Variants in PAX9 observed in about 807,000 individuals in gnomAD.
PAX9 encodes paired box protein Pax-9.
A neutral mutation model predicts 29.1 loss-of-function variants in PAX9; 6 were observed. The observed-to-expected ratio is 0.21, with a 90% confidence interval of 0.11 to 0.41. The LOEUF (loss-of-function observed/expected upper bound fraction) is 0.41, where lower values mean the gene tolerates loss of function less well. PAX9 is among the 10% of genes least tolerant of loss of function. The probability of loss-of-function intolerance (pLI) is 1.00; values close to 1 mark genes in which losing one functional copy is unlikely to be tolerated. For synonymous variants in PAX9, 217 were observed against 211.7 expected (o/e 1.03, Z -0.22); for missense variants, 443 against 479.1 (o/e 0.92, Z 0.70).
At position 36,674,789 on chromosome 14, in the gene PAX9, G is replaced by A. The variant is rs571653088; in HGVS notation, c.772-1409G>A. ...ACCAACATTGAAAAACACAACATGA[G>A]GTGTTTGTTCTTACAGAGCATAGAC... On this transcript the variant is annotated intron_variant, in intron 3 of 3. Coordinates refer to ENST00000361487, the MANE Select transcript of PAX9 (RefSeq NM_001372076.1). Among the ~76,000 whole-genome samples the A allele has an allele frequency of 1.3e-4, 20 of 152,150 alleles. 1 individual carries two copies. The highest frequency in any genetic ancestry group is 4.6e-4 in the African/African-American group (19 of 41,504).
At chr14:36,668,121 A>G (rs1401592396) in intron 3 of PAX9, among the ~76,000 whole-genome samples, 1 of 152,166 alleles carries the variant, frequency 6.6e-6, no homozygotes, top group Non-Finnish European at 1.5e-5. Context: ...AAAAGTAAGT[A>G]ATATTTATCA....
chr14:36,668,527 T>C (rs1430642468), intron 3 of PAX9, among the ~76,000 whole-genome samples: 5 of 152,296 alleles, frequency 3.3e-5, no homozygotes, highest in Admixed American at 1.3e-4. Flanking sequence ...TAGCTGGGAT[T>C]ACAGGCACGC....
Position 36,678,690 on chromosome 14 carries a change from A to T in PAX9, c.*2238A>T. On this transcript the variant is annotated 3_prime_UTR_variant, in exon 4 of 4. Coordinates refer to ENST00000361487, the MANE Select transcript of PAX9 (RefSeq NM_001372076.1). ...TACTTGCTTGTGTGGAAATGCAAAT[A>T]ATGTTATTTTCTTTATCTAAATTAA... The T allele has an allele frequency of 1.6e-6, 2 of 1,249,550 alleles. No individual in the cohort carries two copies. The highest frequency in any genetic ancestry group is 2.0e-6 in the Non-Finnish European group (2 of 996,044). The allele number at this position is 1,249,550 out of a possible 1,614,324, so 77.4% of individuals were successfully genotyped here. A position where few individuals can be genotyped will look rare whatever the true frequency, so the allele number is the denominator to read the frequency against.
chr14:36,662,105 C>CG lies in PAX9; in HGVS notation c.4+17dup. 3 of 1,054,078 alleles carry CG rather than the reference C, an allele frequency of 2.8e-6. No homozygotes were observed. The highest frequency in any genetic ancestry group is 3.5e-6 in the Non-Finnish European group (3 of 862,254). The allele number at this position is 1,054,078 out of a possible 1,614,324, so 65.3% of individuals were successfully genotyped here. A position where few individuals can be genotyped will look rare whatever the true frequency, so the allele number is the denominator to read the frequency against. The stretch of plus-strand genomic sequence containing the variant: ...GCTCGGAGCAATGGGTGAGTGGCGG[C>CG]GGGGGACTCTGTCAGAGCCGGGAAG... On this transcript the variant is annotated intron_variant, in intron 1 of 3. Coordinates refer to ENST00000361487, the MANE Select transcript of PAX9 (RefSeq NM_001372076.1).
intron 3 of PAX9, among the ~76,000 whole-genome samples, chr14:36,666,874 G>T (rs1881520804): frequency 6.6e-6 from 1 of 152,156 alleles, no homozygotes. Flanking sequence ...CGAGGCTCTG[G>T]GAAGCGCCTC....
chr14:36,659,111 CT>C (rs1881157655), upstream of PAX9, among the ~76,000 whole-genome samples: 1 of 152,248 alleles, frequency 6.6e-6, no homozygotes, highest in Non-Finnish European at 1.5e-5. Context: ...CCTGAGCCAG[CT>C]GCAGGCCTTA....
At chr14:36,666,954 TAG>T (rs1213685692) in intron 3 of PAX9, among the ~76,000 whole-genome samples, 1 of 151,226 alleles carries the variant, frequency 6.6e-6, no homozygotes, top group Non-Finnish European at 1.5e-5. Flanking sequence ...TCGTTGGGGG[TAG>T]AGTTAACCAA....
Position 36,662,925 on chromosome 14 carries a change from G to A in PAX9, c.33G>A (p.Leu11=). The change falls in exon 2 of 4, where the codon CTG becomes CTA. Residue 11 remains leucine (L), a synonymous_variant. Transcript: ENST00000361487. MEPAFGEVNQ[L]GGVFVNGRPL... is the part of the protein sequence containing the mutation. ...CAGCCTTCGGGGAGGTGAACCAGCT[G>A]GGAGGAGTGTTCGTGAACGGGAGGC... 1 of 1,612,808 alleles carries A rather than the reference G, an allele frequency of 6.2e-7. No homozygotes were observed. Among genetic ancestry groups the A allele is most frequent in the Non-Finnish European group, 8.5e-7 (1 of 1,179,588 alleles).
intron 3 of PAX9, among the ~76,000 whole-genome samples, chr14:36,675,041 G>C (rs1487264802): frequency 6.6e-6 from 1 of 152,156 alleles, no homozygotes; most frequent in African/African-American, 2.4e-5. Flanking sequence ...ACGGGAAAAA[G>C]TACCTAGCTA....
chr14:36,658,376 G>T (rs868582439), upstream of PAX9, among the ~76,000 whole-genome samples: 6 of 142,422 alleles, frequency 4.2e-5, no homozygotes, highest in African/African-American at 1.2e-4. Flanking sequence ...CCTCGCTTGG[G>T]GGGGGGGGGT....
At chr14:36,666,950 G>T (rs375493424) in intron 3 of PAX9, among the ~76,000 whole-genome samples, 3 of 152,142 alleles carry the variant, frequency 2.0e-5, no homozygotes, top group Non-Finnish European at 4.4e-5. Flanking sequence ...GCTCTCGTTG[G>T]GGGTAGAGTT....
chr14:36,671,014 T>G, intron 3 of PAX9: 1 of 423,400 alleles, frequency 2.4e-6, no homozygotes, highest in Middle Eastern at 3.4e-4. Flanking sequence ...GAAAAATGAG[T>G]TCACCAAAAA....
intron 3 of PAX9, among the ~76,000 whole-genome samples, chr14:36,672,476 A>G (rs1881720713): frequency 6.6e-6 from 1 of 152,214 alleles, no homozygotes; most frequent in African/African-American, 2.4e-5. Flanking sequence ...ATTGCTTCAT[A>G]AATAACAATT....
rs778437280 is a variant in PAX9 at position 36,663,076 on chromosome 14, G to A, written c.184G>A (p.Glu62Lys). 6.2e-6 allele frequency: 10 copies of A among 1,613,930 alleles called. No individual in the cohort carries two copies. In the Admixed American group the frequency reaches 1.0e-4, roughly 16 times the overall value. ...CVSKILARYN[E>K]TGSILPGAIG... ...CAGCAAGATCCTGGCGCGATACAAC[G>A]AGACGGGCTCGATCTTGCCAGGAGC... The change falls in exon 2 of 4, where the codon GAG (glutamate) becomes AAG (lysine). Residue 62 changes from glutamate to lysine, a missense_variant. Glu to Lys is a moderately conservative substitution (Grantham distance 56, BLOSUM62 1). Coordinates refer to ENST00000361487, the MANE Select transcript of PAX9 (RefSeq NM_001372076.1).
At chr14:36,662,211 A>G (rs1881302439) in intron 1 of PAX9, 118 bp downstream of exon 1, 6 of 1,167,656 alleles carry the variant, frequency 5.1e-6, no homozygotes, top group Non-Finnish European at 7.0e-6. Flanking sequence ...CACATTCTCT[A>G]TTGACTTTGC....
Position 36,678,416 on chromosome 14 carries a change from G to C in PAX9, c.*1964G>C. The C allele has an allele frequency of 3.1e-6, 4 of 1,274,082 alleles. No homozygotes were observed. In the South Asian group the frequency reaches 3.8e-5, roughly 12 times the overall value. The allele number at this position is 1,274,082 out of a possible 1,614,324, so 78.9% of individuals were successfully genotyped here. A position where few individuals can be genotyped will look rare whatever the true frequency, so the allele number is the denominator to read the frequency against. On this transcript the variant is annotated 3_prime_UTR_variant, in exon 4 of 4. Coordinates refer to ENST00000361487, the MANE Select transcript of PAX9 (RefSeq NM_001372076.1). Reference sequence around the variant, plus strand: ...AGGAGAAGAATAAGCAGAAGGAGCAGATGAACTCTCAGGGCCATAGTCTTC... The same window carrying C: ...AGGAGAAGAATAAGCAGAAGGAGCACATGAACTCTCAGGGCCATAGTCTTC...
upstream of PAX9, among the ~76,000 whole-genome samples, chr14:36,661,093 G>A (rs1336461009): frequency 6.6e-6 from 1 of 152,262 alleles, no homozygotes; most frequent in African/African-American, 2.4e-5. Context: ...CTTGGGCTCC[G>A]TAGTGAGTGC....
chr14:36,669,247 T>C (rs968580357), intron 3 of PAX9, among the ~76,000 whole-genome samples: 3 of 152,190 alleles, frequency 2.0e-5, no homozygotes, highest in Admixed American at 6.5e-5. Flanking sequence ...TTAATACTTG[T>C]TTATAAACAT....
upstream of PAX9, among the ~76,000 whole-genome samples, chr14:36,661,501 C>T (rs533046686): frequency 6.6e-6 from 1 of 152,326 alleles, no homozygotes; most frequent in South Asian, 2.1e-4. Context: ...CCGCCTCCCA[C>T]CTATAGCCTT....
Sources: allele counts gnomAD v4.1 joint callset (sites outside exome capture counted in the v4.1 genomes callset), GRCh38; gene constraint gnomAD v4.1.1; transcripts MANE v1.5; gene names NCBI Gene and HGNC (gene_info 2026-07-23, HGNC 2026-07-21).